The following ATP8B4 variants were observed in gnomAD, a reference collection of about 807,000 sequenced individuals.
ATP8B4 encodes ATPase phospholipid transporting 8B4 (putative).
Under a neutral mutation model 145.6 loss-of-function variants are expected in ATP8B4, and 133 were observed. The observed-to-expected ratio is 0.91, with a 90% CI of 0.79 to 1.05. ATP8B4 has a LOEUF of 1.05. Ranked by LOEUF, ATP8B4 falls within the 50% of genes least tolerant of loss-of-function variation. The pLI is 0.00. For synonymous variants in ATP8B4, 507 were observed against 492.9 expected (o/e 1.03, Z -0.38); for missense variants, 1,458 against 1,425.2 (o/e 1.02, Z -0.37).
Position 49,901,175 on chromosome 15 carries a change from T to C in ATP8B4, c.2206A>G (p.Lys736Glu), listed in dbSNP as rs1371221856. The change falls in exon 21 of 28, where the codon AAA becomes GAA. Residue 736 changes from lysine (K) to glutamate (E), a missense_variant. Physicochemically the swap from Lys to Glu is moderately conservative, Grantham distance 56 (BLOSUM62 1). Coordinates refer to ENST00000284509, the MANE Select transcript of ATP8B4 (RefSeq NM_024837.4). The stretch of plus-strand genomic sequence containing the variant: ...GAATCCAACTCCAGCTGCTGCTTTT[T>C]TTCACAAACTACATGGCCATTGGAA... ...NFSNGHVVCE[K>E]KQQLELDSIV... The C allele has an allele frequency of 1.9e-6, 3 of 1,613,574 alleles. No homozygotes were observed. The highest frequency in any genetic ancestry group is 1.3e-5 in the African/African-American group (1 of 74,906).
chr15:49,880,810 GGCTAAAAAAAAAAAAAA>G (rs1357500914), intron 23 of ATP8B4: 1 of 150,828 alleles, frequency 6.6e-6, no homozygotes, highest in Non-Finnish European at 1.5e-5. Context: ...TTTAACAACA[GGCTAAAAAAAAAAAAAA>G]GCCGGCCAGG....
At chr15:49,888,357 A>G (rs2036439059) in intron 23 of ATP8B4, among the ~76,000 whole-genome samples, 1 of 152,166 alleles carries the variant, frequency 6.6e-6, no homozygotes, top group South Asian at 2.1e-4. Flanking sequence ...TTGCTTTATT[A>G]TACTGTTTGA....
intron 23 of ATP8B4, among the ~76,000 whole-genome samples, chr15:49,887,748 T>A (rs972034169): frequency 6.6e-6 from 1 of 152,194 alleles, no homozygotes; most frequent in Non-Finnish European, 1.5e-5. Context: ...CCCTTCTTTA[T>A]GGGAGCAATT....
intron 20 of ATP8B4, among the ~76,000 whole-genome samples, chr15:49,903,841 C>T (rs2038317875): frequency 6.6e-6 from 1 of 151,790 alleles, no homozygotes; most frequent in African/African-American, 2.4e-5. Context: ...TTGCAGTGAG[C>T]CAAGATGGCG....
At chr15:49,925,298 A>C (rs1392022517) in intron 16 of ATP8B4, among the ~76,000 whole-genome samples, 1 of 152,182 alleles carries the variant, frequency 6.6e-6, no homozygotes, top group Non-Finnish European at 1.5e-5. Context: ...ACATGATTAC[A>C]GATCTTTGTA....
chr15:49,987,904 C>A (rs1336598963), intron 9 of ATP8B4, among the ~76,000 whole-genome samples: 2 of 152,148 alleles, frequency 1.3e-5, no homozygotes, highest in Non-Finnish European at 2.9e-5. Flanking sequence ...CTAAAAGTTT[C>A]TCTTATTCCA....
At chr15:50,180,395 C>G (rs1009668002) in intron 1 of ATP8B4, among the ~76,000 whole-genome samples, 3 of 152,152 alleles carry the variant, frequency 2.0e-5, no homozygotes, top group Non-Finnish European at 4.4e-5. Flanking sequence ...GTCTTAGCCC[C>G]GGACTCTCCA....
intron 4 of ATP8B4, 49 bp downstream of exon 4, chr15:50,047,302 T>C: frequency 8.4e-7 from 1 of 1,187,042 alleles, no homozygotes. Context: ...TACAATTTTA[T>C]GAATACTTTA....
chr15:50,146,419 C>G (rs180850390), intron 1 of ATP8B4, among the ~76,000 whole-genome samples: 1 of 152,254 alleles, frequency 6.6e-6, no homozygotes, highest in East Asian at 1.9e-4. Context: ...TGTAATTATT[C>G]AGAACAAGAA....
At chr15:50,082,261 T>G (rs538949796) in intron 2 of ATP8B4, among the ~76,000 whole-genome samples, 35 of 152,286 alleles carry the variant, frequency 2.3e-4, no homozygotes, top group South Asian at 1.9e-3. Context: ...AAGAACACAT[T>G]CTGATACAAT....
intron 1 of ATP8B4, among the ~76,000 whole-genome samples, chr15:50,178,225 T>G (rs1222113148): frequency 6.6e-6 from 1 of 152,098 alleles, no homozygotes; most frequent in African/African-American, 2.4e-5. Context: ...ATAGAGGAAA[T>G]GAATAGGCTC....
intron 23 of ATP8B4, among the ~76,000 whole-genome samples, chr15:49,891,269 C>T (rs894906364): frequency 6.6e-6 from 1 of 151,584 alleles, no homozygotes; most frequent in Admixed American, 6.6e-5. Context: ...CCTAGATCCT[C>T]ACACATTTCT....
intron 16 of ATP8B4, among the ~76,000 whole-genome samples, chr15:49,925,354 G>T (rs922832566): frequency 2.0e-5 from 3 of 152,054 alleles, no homozygotes; most frequent in Non-Finnish European, 2.9e-5. Context: ...ATCTGTTTCT[G>T]CATTCATTCT....
chr15:50,136,825 C>T (rs2044129457), intron 1 of ATP8B4, among the ~76,000 whole-genome samples: 3 of 152,048 alleles, frequency 2.0e-5, no homozygotes, highest in Admixed American at 2.0e-4. Flanking sequence ...TCAGTTACCC[C>T]GTCTGTAAGA....
At chr15:50,018,065 G>A (rs1236308907) in intron 6 of ATP8B4, among the ~76,000 whole-genome samples, 2 of 145,904 alleles carry the variant, frequency 1.4e-5, no homozygotes, top group African/African-American at 5.1e-5. Flanking sequence ...TTGGCTCACT[G>A]CACCCTTGAC....
Position 49,866,501 on chromosome 15 carries a change from A to G in ATP8B4, c.3028-17T>C. On this transcript the variant is annotated splice_polypyrimidine_tract_variant and intron_variant, in intron 25 of 27. Coordinates refer to ENST00000284509, the MANE Select transcript of ATP8B4 (RefSeq NM_024837.4). The stretch of plus-strand genomic sequence containing the variant: ...CAAGGCTATCTGTAAATAAAATCAA[A>G]TGCAAACGGGAGGTCTTTGAGGATT... 1.9e-6 allele frequency: 3 copies of G among 1,612,048 alleles called. No homozygotes were observed. In the African/African-American group the frequency reaches 4.0e-5, roughly 22 times the overall value.
intron 23 of ATP8B4, among the ~76,000 whole-genome samples, chr15:49,892,703 C>A (rs190992030): frequency 2.9e-4 from 44 of 152,250 alleles, no homozygotes; most frequent in Non-Finnish European, 6.0e-4. Context: ...GCGTTCCATG[C>A]AAAATGAGTT....
chr15:50,103,871 T>C (rs994102264), intron 2 of ATP8B4, among the ~76,000 whole-genome samples: 3 of 152,106 alleles, frequency 2.0e-5, no homozygotes, highest in African/African-American at 7.2e-5. Context: ...ATAATACTGG[T>C]ATAAAAACAG....
At chr15:50,131,197 G>A (rs1437815072) in intron 1 of ATP8B4, among the ~76,000 whole-genome samples, 1 of 152,134 alleles carries the variant, frequency 6.6e-6, no homozygotes, top group Non-Finnish European at 1.5e-5. Flanking sequence ...TGGGGATTAT[G>A]AAGATTACAA....
Sources: gnomAD v4.1 joint callset for allele counts (sites outside exome capture counted in the v4.1 genomes callset) on GRCh38, gnomAD v4.1.1 for gene constraint, MANE v1.5 for transcripts, NCBI Gene and HGNC (gene_info 2026-07-23, HGNC 2026-07-21) for gene names.